The following NEGR1 variants were observed in gnomAD, a reference collection of about 807,000 sequenced individuals.
NEGR1 encodes IgLON family member 4.
NEGR1 carries 10 observed loss-of-function variants against 40.9 expected under a neutral mutation model. The observed-to-expected ratio is 0.24, with a 90% confidence interval of 0.15 to 0.42. NEGR1 has a LOEUF of 0.42. NEGR1 is among the 10% of genes least tolerant of loss of function. NEGR1 has a pLI of 1.00. For missense variants in NEGR1, 352 were observed against 438.9 expected, an observed-to-expected ratio of 0.80 and a Z score of 1.77; for synonymous variants, 185 against 166.8, an observed-to-expected ratio of 1.11 and a Z score of -0.84.
chr1:72,005,085 C>T (rs1222653876), intron 1 of NEGR1, among the ~76,000 whole-genome samples: 1 of 152,102 alleles, frequency 6.6e-6, no homozygotes, highest in Non-Finnish European at 1.5e-5. Context: ...TGGTTAAGCA[C>T]TAGCCTGGCA....
intron 1 of NEGR1, among the ~76,000 whole-genome samples, chr1:72,203,573 T>A (rs189151552): frequency 2.2e-4 from 34 of 152,248 alleles, no homozygotes; most frequent in Non-Finnish European, 3.8e-4. Flanking sequence ...ATAAAGGTTT[T>A]AGAATATTTA....
intron 2 of NEGR1, among the ~76,000 whole-genome samples, chr1:71,805,306 T>A (rs1657721388): frequency 6.6e-6 from 1 of 152,182 alleles, no homozygotes; most frequent in Non-Finnish European, 1.5e-5. Context: ...GTGATCTCTG[T>A]GACCTACATC....
intron 1 of NEGR1, among the ~76,000 whole-genome samples, chr1:72,189,845 C>G (rs748221667): frequency 1.3e-5 from 2 of 151,514 alleles, no homozygotes; most frequent in Non-Finnish European, 3.0e-5. Context: ...TGCTGAAGAA[C>G]ACAGATGATA....
chr1:72,052,541 A>T lies in NEGR1; in HGVS notation c.177-117230T>A, dbSNP rs182782861. 2.0e-4 allele frequency among the ~76,000 whole-genome samples: 30 copies of T among 151,594 alleles called. No individual in the cohort carries two copies. In the East Asian group the frequency reaches 3.3e-3, roughly 17 times the overall value. ...GCATATTTCCAATCAAAAACAGGAC[A>T]ACTTCAATTGATGTCACAGGTGATG... On this transcript the variant is annotated intron_variant, in intron 1 of 6. Coordinates refer to ENST00000357731, the MANE Select transcript of NEGR1 (RefSeq NM_173808.3).
At chr1:72,088,467 C>G (rs546698701) in intron 1 of NEGR1, among the ~76,000 whole-genome samples, 4 of 152,002 alleles carry the variant, frequency 2.6e-5, no homozygotes, top group South Asian at 4.2e-4. Flanking sequence ...AAATAAAGAG[C>G]CTTATTCACC....
intron 5 of NEGR1, among the ~76,000 whole-genome samples, chr1:71,600,519 T>G (rs1649880885): frequency 6.6e-6 from 1 of 152,138 alleles, no homozygotes; most frequent in Non-Finnish European, 1.5e-5. Context: ...AGTGGAAGGC[T>G]GCCAGCCAAA....
chr1:71,709,913 C>G (rs1461406852), intron 3 of NEGR1, among the ~76,000 whole-genome samples: 1 of 152,108 alleles, frequency 6.6e-6, no homozygotes, highest in Non-Finnish European at 1.5e-5. Flanking sequence ...AGGATACGGT[C>G]AACCCAGCAA....
intron 4 of NEGR1, among the ~76,000 whole-genome samples, chr1:71,682,737 T>G (rs1435370693): frequency 3.9e-5 from 6 of 152,144 alleles, no homozygotes; most frequent in Admixed American, 6.5e-5. Flanking sequence ...AAGGCCCCAG[T>G]GGGAGGTATT....
At chr1:71,941,300 A>G (rs1358138644) in intron 1 of NEGR1, among the ~76,000 whole-genome samples, 3 of 152,000 alleles carry the variant, frequency 2.0e-5, no homozygotes, top group Non-Finnish European at 4.4e-5. Flanking sequence ...GATTATATGG[A>G]AGAGAACAGA....
intron 1 of NEGR1, among the ~76,000 whole-genome samples, chr1:72,051,122 C>T (rs1030198428): frequency 6.6e-6 from 1 of 151,452 alleles, no homozygotes; most frequent in African/African-American, 2.4e-5. Flanking sequence ...AAGCCCAGCC[C>T]TTCTCTAAAT....
chr1:71,979,187 C>T (rs1490486121), intron 1 of NEGR1, among the ~76,000 whole-genome samples: 1 of 152,044 alleles, frequency 6.6e-6, no homozygotes, highest in Non-Finnish European at 1.5e-5. Flanking sequence ...AGGGGAACAA[C>T]AGACCCTGGG....
intron 1 of NEGR1, among the ~76,000 whole-genome samples, chr1:72,000,881 G>C (rs1275302578): frequency 1.3e-5 from 2 of 152,118 alleles, no homozygotes; most frequent in African/African-American, 4.8e-5. Context: ...CCTTGGATGA[G>C]TTCTTTCAAA....
intron 4 of NEGR1, among the ~76,000 whole-genome samples, chr1:71,681,797 A>C (rs1652846653): frequency 6.6e-6 from 1 of 152,048 alleles, no homozygotes; most frequent in Non-Finnish European, 1.5e-5. Context: ...TTTCTTCCTT[A>C]AATTCTGTCT....
intron 1 of NEGR1, among the ~76,000 whole-genome samples, chr1:71,974,732 A>C (rs879463623): frequency 1.1e-4 from 17 of 152,150 alleles, no homozygotes; most frequent in Admixed American, 3.9e-4. Context: ...CCTACATCTG[A>C]ATTCATTTAC....
chr1:72,060,589 T>C (rs1271709488), intron 1 of NEGR1, among the ~76,000 whole-genome samples: 4 of 151,630 alleles, frequency 2.6e-5, no homozygotes. Context: ...TCTGCCCTTG[T>C]TTAGAGGAAG....
At chr1:71,648,919 T>C (rs2101580219) in intron 4 of NEGR1, among the ~76,000 whole-genome samples, 1 of 152,194 alleles carries the variant, frequency 6.6e-6, no homozygotes, top group East Asian at 1.9e-4. Flanking sequence ...TCTTCATTCG[T>C]TCCATTCAGT....
chr1:71,865,779 T>G (rs184804092), intron 2 of NEGR1, among the ~76,000 whole-genome samples: 1 of 152,328 alleles, frequency 6.6e-6, no homozygotes, highest in African/African-American at 2.4e-5. Flanking sequence ...TTGCATTCTA[T>G]GAATATCATA....
At position 71,539,019 on chromosome 1, in the gene NEGR1, G is replaced by GT. The variant is rs762732964; in HGVS notation, c.940+53797dup. Reference sequence around the variant, plus strand: ...TCACATGGTTGTTGTTTAAAGGATGGTTTAGCATAGTGGTTGATAATAGAG... The same window carrying GT: ...TCACATGGTTGTTGTTTAAAGGATGGTTTTAGCATAGTGGTTGATAATAGAG... On this transcript the variant is annotated intron_variant, in intron 6 of 6. Coordinates refer to ENST00000357731, the MANE Select transcript of NEGR1 (RefSeq NM_173808.3). Among the ~76,000 whole-genome samples, 17 of 151,694 alleles carry GT rather than the reference G, an allele frequency of 1.1e-4. 1 individual carries two copies. The highest frequency in any genetic ancestry group is 4.4e-5 in the Non-Finnish European group (3 of 67,806).
intron 2 of NEGR1, among the ~76,000 whole-genome samples, chr1:71,837,317 A>T (rs1007207273): frequency 6.6e-6 from 1 of 152,114 alleles, no homozygotes; most frequent in Non-Finnish European, 1.5e-5. Context: ...CAAAGTAGAT[A>T]TTATTCCTAC....
Sources: gnomAD v4.1 joint callset for allele counts (sites outside exome capture counted in the v4.1 genomes callset) on GRCh38, gnomAD v4.1.1 for gene constraint, MANE v1.5 for transcripts, NCBI Gene and HGNC (gene_info 2026-07-23, HGNC 2026-07-21) for gene names.